CADPS2: variants seen among roughly 807,000 people sequenced by gnomAD.
The protein encoded by CADPS2 is calcium dependent secretion activator 2.
Under a neutral mutation model 172.5 loss-of-function variants are expected in CADPS2, and 93 were observed. The ratio of observed to expected loss-of-function variants is 0.54; its 90% CI spans 0.46 to 0.64. CADPS2 has a LOEUF of 0.64. Ranked by LOEUF, CADPS2 falls within the 30% of genes least tolerant of loss-of-function variation. CADPS2 has a pLI of 0.00. For synonymous variants in CADPS2, 546 were observed against 555.2 expected (o/e 0.98, Z 0.23); for missense variants, 1,420 against 1,565.9 (o/e 0.91, Z 1.57).
At chr7:122,740,864 C>T (rs2092433266) in intron 1 of CADPS2, among the ~76,000 whole-genome samples, 1 of 151,900 alleles carries the variant, frequency 6.6e-6, no homozygotes. Context: ...TTGATATGTT[C>T]AGATAAAAGA....
intron 2 of CADPS2, chr7:122,697,828 T>G: frequency 1.9e-6 from 3 of 1,606,400 alleles, no homozygotes; most frequent in Non-Finnish European, 2.5e-6. Flanking sequence ...TGAATGAGGC[T>G]GGATGTCATT....
intron 24 of CADPS2, among the ~76,000 whole-genome samples, chr7:122,383,103 C>T (rs1354141887): frequency 1.3e-5 from 2 of 151,878 alleles, no homozygotes; most frequent in African/African-American, 4.8e-5. Flanking sequence ...AATGGTAGAC[C>T]AGATAAAGAA....
intron 1 of CADPS2, chr7:122,849,994 G>A: frequency 1.4e-6 from 1 of 740,192 alleles, no homozygotes; most frequent in Non-Finnish European, 2.0e-6. Flanking sequence ...CTGCCCCCAA[G>A]CCTGCCTAGG....
At chr7:122,492,173 AAAAT>A (rs1287322602) in intron 9 of CADPS2, among the ~76,000 whole-genome samples, 1 of 152,092 alleles carries the variant, frequency 6.6e-6, no homozygotes, top group African/African-American at 2.4e-5. Context: ...CTCCATCTCA[AAAAT>A]AAATAAATGA....
chr7:122,807,956 A>T (rs1799153799), intron 1 of CADPS2, among the ~76,000 whole-genome samples: 2 of 152,218 alleles, frequency 1.3e-5, no homozygotes, highest in South Asian at 4.1e-4. Flanking sequence ...AATGACGTAG[A>T]TATAAAGTTT....
At chr7:122,670,382 A>G (rs1303643089) in intron 2 of CADPS2, among the ~76,000 whole-genome samples, 1 of 152,010 alleles carries the variant, frequency 6.6e-6, no homozygotes, top group African/African-American at 2.4e-5. Context: ...GTTGGAGACC[A>G]GCCTGGGCAA....
chr7:122,829,444 T>C (rs1226734770), intron 1 of CADPS2, among the ~76,000 whole-genome samples: 2 of 152,224 alleles, frequency 1.3e-5, no homozygotes, highest in Admixed American at 1.3e-4. Context: ...ATGAGTCTTA[T>C]ATATAGGTAA....
chr7:122,868,939 G>A (rs1398221584), intron 1 of CADPS2, among the ~76,000 whole-genome samples: 1 of 152,118 alleles, frequency 6.6e-6, no homozygotes, highest in Non-Finnish European at 1.5e-5. Flanking sequence ...TTGAATAGCA[G>A]CCTAAGTCAA....
At chr7:122,842,114 G>C (rs879722637) in intron 1 of CADPS2, among the ~76,000 whole-genome samples, 4 of 152,180 alleles carry the variant, frequency 2.6e-5, no homozygotes, top group Non-Finnish European at 4.4e-5. Flanking sequence ...TTGCTTTATG[G>C]GGAGCATGAG....
At chr7:122,822,175 T>C in intron 1 of CADPS2, among the ~76,000 whole-genome samples, 1 of 151,198 alleles carries the variant, frequency 6.6e-6, no homozygotes, top group African/African-American at 2.4e-5. Flanking sequence ...GGCAGGACTA[T>C]GCTGAATCTC....
At chr7:122,428,892 G>A (rs140052401) in intron 17 of CADPS2, among the ~76,000 whole-genome samples, 59 of 152,072 alleles carry the variant, frequency 3.9e-4, no homozygotes, top group African/African-American at 1.3e-3. Context: ...CTGCATCCAG[G>A]GCCTCTCTCC....
At chr7:122,598,892 G>A (rs1263312323) in intron 6 of CADPS2, among the ~76,000 whole-genome samples, 1 of 152,062 alleles carries the variant, frequency 6.6e-6, no homozygotes, top group East Asian at 1.9e-4. Context: ...CAGATAAAAA[G>A]AGAGACAACT....
intron 1 of CADPS2, among the ~76,000 whole-genome samples, chr7:122,879,236 C>CAA (rs34464177): frequency 2.2e-4 from 18 of 80,964 alleles, no homozygotes; most frequent in African/African-American, 6.4e-4. Flanking sequence ...TACTCTGCCT[C>CAA]AAAAAAAAAA....
At position 122,885,100 on chromosome 7, in the gene CADPS2, T is replaced by TA. The variant is rs1673125210; in HGVS notation, c.339+898dup. Among the ~76,000 whole-genome samples the TA allele has an allele frequency of 2.0e-5, 3 of 152,192 alleles. No homozygotes were observed. The South Asian group carries it at 6.2e-4, about 32-fold the overall frequency. On this transcript the variant is annotated intron_variant, in intron 1 of 29. Coordinates refer to ENST00000449022, the MANE Select transcript of CADPS2 (RefSeq NM_017954.11). ...GAACCTTCCAGGTTCAGCATTCTATTAAAAAGATTTCCTAGAGTTTGTATT... is the reference window on the plus strand; with the variant it reads ...GAACCTTCCAGGTTCAGCATTCTATTAAAAAAGATTTCCTAGAGTTTGTATT...
chr7:122,615,329 A>G, intron 5 of CADPS2, 30 bp from the exon 6 acceptor site: 1 of 1,372,538 alleles, frequency 7.3e-7, no homozygotes, highest in South Asian at 1.3e-5. Context: ...AAAATAATGC[A>G]TCAAGTTGAT....
chr7:122,682,744 G>C (rs1383452991), intron 2 of CADPS2, among the ~76,000 whole-genome samples: 1 of 152,136 alleles, frequency 6.6e-6, no homozygotes, highest in East Asian at 1.9e-4. Flanking sequence ...GAGGAGACCC[G>C]AGAGTTCAAG....
intron 28 of CADPS2, among the ~76,000 whole-genome samples, chr7:122,341,554 A>T (rs2036797183): frequency 6.6e-6 from 1 of 152,194 alleles, no homozygotes; most frequent in African/African-American, 2.4e-5. Flanking sequence ...AAGTTTCTGC[A>T]TTCTCAGACC....
At chr7:122,578,794 T>G (rs976740406) in intron 7 of CADPS2, among the ~76,000 whole-genome samples, 10 of 152,080 alleles carry the variant, frequency 6.6e-5, no homozygotes, top group African/African-American at 2.4e-4. Flanking sequence ...AATGGGAAAA[T>G]AGTAAACAGA....
intron 4 of CADPS2, among the ~76,000 whole-genome samples, chr7:122,622,090 T>C (rs1034524732): frequency 5.3e-5 from 8 of 152,136 alleles, no homozygotes; most frequent in Non-Finnish European, 7.3e-5. Context: ...AACTGGTCTA[T>C]AAAAAAATGT....
Sources: allele counts gnomAD v4.1 joint callset (sites outside exome capture counted in the v4.1 genomes callset), GRCh38; gene constraint gnomAD v4.1.1; transcripts MANE v1.5; gene names NCBI Gene and HGNC (gene_info 2026-07-23, HGNC 2026-07-21).